MTCL2: variants seen among roughly 807,000 people sequenced by gnomAD.
MTCL2 encodes the protein microtubule crosslinking factor 2, also known as microtubule cross-linking factor 2.
At chr20:36,791,397 A>G in the MTCL2 span, among the ~76,000 whole-genome samples, 6 of 152,236 alleles carry the variant, frequency 3.9e-5, no homozygotes, top group Middle Eastern at 3.2e-3. Context: ...ATAGTCTGAA[A>G]TGTAAAAAAA....
At chr20:36,844,403 T>C in the MTCL2 span, among the ~76,000 whole-genome samples, 1 of 146,078 alleles carries the variant, frequency 6.8e-6, no homozygotes, top group Admixed American at 6.8e-5. Context: ...AAAAAAAAAA[T>C]AATAATAATA....
chr20:36,796,972 G>A, the MTCL2 span: 3 of 1,612,872 alleles, frequency 1.9e-6, no homozygotes, highest in Non-Finnish European at 8.5e-7. Context: ...AAGAGAGACA[G>A]GAAGGGTCAG....
At chr20:36,820,825 G>A in the MTCL2 span, among the ~76,000 whole-genome samples, 1 of 151,342 alleles carries the variant, frequency 6.6e-6, no homozygotes, top group Non-Finnish European at 1.5e-5. Context: ...CTGGGCAAAA[G>A]AGTAAGACTC....
the MTCL2 span, among the ~76,000 whole-genome samples, chr20:36,807,172 C>T: frequency 6.6e-6 from 1 of 152,200 alleles, no homozygotes; most frequent in Non-Finnish European, 1.5e-5. Flanking sequence ...GGTAGTGACT[C>T]TCCCATGAGG....
chr20:36,862,908 G>A, the MTCL2 span: 1 of 1,282,110 alleles, frequency 7.8e-7, no homozygotes, highest in African/African-American at 1.6e-5. Context: ...CCCGGCCGCG[G>A]ACTCGGCGTC....
At chr20:36,837,546 ACATTATTATTATTATTATTAT>A in the MTCL2 span, among the ~76,000 whole-genome samples, 4 of 135,050 alleles carry the variant, frequency 3.0e-5, no homozygotes, top group Non-Finnish European at 3.1e-5. Context: ...CATTTTACCC[ACATTATTATTATTATTATTAT>A]TATTATTATT....
the MTCL2 span, chr20:36,780,013 G>A: frequency 3.3e-5 from 5 of 152,328 alleles, no homozygotes; most frequent in South Asian, 8.3e-4. Flanking sequence ...GAGAAAGGAA[G>A]GGGCTAAACC....
chr20:36,801,821 G>A, the MTCL2 span, among the ~76,000 whole-genome samples: 5 of 149,210 alleles, frequency 3.4e-5, no homozygotes, highest in Admixed American at 6.7e-5. Flanking sequence ...AAAATTAGCC[G>A]GGTGTGGTGG....
At chr20:36,795,976 G>A in the MTCL2 span, among the ~76,000 whole-genome samples, 1 of 152,128 alleles carries the variant, frequency 6.6e-6, no homozygotes, top group Non-Finnish European at 1.5e-5. Context: ...TCCTCCGACA[G>A]CCTGAACTCC....
the MTCL2 span, chr20:36,806,015 C>T: frequency 2.8e-6 from 4 of 1,440,568 alleles, no homozygotes; most frequent in Non-Finnish European, 3.8e-6. Flanking sequence ...ATTTTAATTC[C>T]AACCTTGGGC....
chr20:36,813,907 A>C, the MTCL2 span, among the ~76,000 whole-genome samples: 1 of 151,928 alleles, frequency 6.6e-6, no homozygotes, highest in Admixed American at 6.6e-5. Context: ...TTGTCTCTTC[A>C]CTCAGTGTCC....
the MTCL2 span, chr20:36,804,617 G>C: frequency 7.3e-7 from 1 of 1,370,050 alleles, no homozygotes; most frequent in Admixed American, 2.0e-5. Flanking sequence ...GGCCACAGGT[G>C]AAGCAACGGC....
At chr20:36,810,591 C>T in the MTCL2 span, among the ~76,000 whole-genome samples, 110 of 152,158 alleles carry the variant, frequency 7.2e-4, no homozygotes, top group Non-Finnish European at 1.2e-3. Flanking sequence ...AAACCAAAAA[C>T]GCTATAGGCC....
chr20:36,801,889 G>A, the MTCL2 span, among the ~76,000 whole-genome samples: 7 of 152,006 alleles, frequency 4.6e-5, no homozygotes, highest in South Asian at 4.2e-4. Context: ...ACTTGAACCC[G>A]GGAGGTGGAG....
the MTCL2 span, among the ~76,000 whole-genome samples, chr20:36,796,497 C>T: frequency 6.6e-6 from 1 of 152,196 alleles, no homozygotes; most frequent in Non-Finnish European, 1.5e-5. Flanking sequence ...CAGGGCTGGG[C>T]CCAAAGGATG....
the MTCL2 span, chr20:36,780,684 CCA>C: frequency 2.0e-5 from 3 of 152,196 alleles, no homozygotes; most frequent in South Asian, 4.1e-4. Context: ...TTGGTCCTCA[CCA>C]CAGTTACATG....
chr20:36,793,354 T>C, the MTCL2 span: 1 of 1,551,796 alleles, frequency 6.4e-7, no homozygotes. This position sits in a 1 kb window ranked among gnomAD's most constrained non-coding sequence, Gnocchi z 6.8. Context: ...CCAACTTGGC[T>C]GCCTTCTTGT....
chr20:36,786,492 C>T, the MTCL2 span: 2 of 1,541,678 alleles, frequency 1.3e-6, no homozygotes, highest in Non-Finnish European at 1.7e-6. Flanking sequence ...CTGTCACTCG[C>T]TGGGGGGGAG....
At chr20:36,797,410 G>T in the MTCL2 span, 2 of 1,324,750 alleles carry the variant, frequency 1.5e-6, no homozygotes, top group Non-Finnish European at 2.1e-6. Flanking sequence ...TATGAGACAG[G>T]GTTAGCAACT....
Sources: gnomAD v4.1 joint callset for allele counts (sites outside exome capture counted in the v4.1 genomes callset) on GRCh38, gnomAD v4.1.1 for gene constraint, Gnocchi (gnomAD v3.1) non-coding constraint, MANE v1.5 for transcripts, NCBI Gene and HGNC (gene_info 2026-07-23, HGNC 2026-07-21) for gene names.